The following TSPAN9 variants were observed in gnomAD, a reference collection of about 807,000 sequenced individuals.
The protein encoded by TSPAN9 is tetraspanin 9, also known as tetraspanin-9.
In TSPAN9, 16 loss-of-function variants were observed where a neutral mutation model predicts 31.0. That is an observed-to-expected ratio of 0.52 (90% CI 0.35 to 0.78). TSPAN9 has a LOEUF of 0.78. Ranked by LOEUF, TSPAN9 falls within the 30% of genes least tolerant of loss-of-function variation. The probability of loss-of-function intolerance (pLI) is 0.01; values close to 1 mark genes in which losing one functional copy is unlikely to be tolerated. For missense variants in TSPAN9, 272 were observed against 312.5 expected (o/e 0.87, Z 0.98); for synonymous variants, 145 against 121.6 (o/e 1.19, Z -1.27).
At position 3,168,901 on chromosome 12, in the gene TSPAN9, G is replaced by A. The variant is rs1022410807; in HGVS notation, c.-17-32276G>A. On this transcript the variant is annotated intron_variant, in intron 2 of 8. Transcript: ENST00000011898. The surrounding 1 kb of genome is among the most constrained non-coding windows in gnomAD (Gnocchi z 4.0). ...CAGATGGATGAGCTCAGGTTTGGAC[G>A]TGACTCAGAAGGAAGGTAGTGGGGA... is the stretch of plus-strand genomic sequence containing the variant. 2.0e-5 allele frequency among the ~76,000 whole-genome samples: 3 copies of A among 152,184 alleles called. No homozygotes were observed. Among genetic ancestry groups the A allele is most frequent in the African/African-American group, 4.8e-5 (2 of 41,440 alleles).
chr12:3,137,199 G>C (rs1420493035), intron 2 of TSPAN9, among the ~76,000 whole-genome samples: 1 of 152,184 alleles, frequency 6.6e-6, no homozygotes, highest in Non-Finnish European at 1.5e-5. Flanking sequence ...GAGGCCTTGG[G>C]CTTCCGCCCC....
chr12:3,155,597 A>T (rs891401056), intron 2 of TSPAN9, among the ~76,000 whole-genome samples: 10 of 70,024 alleles, frequency 1.4e-4, no homozygotes, highest in African/African-American at 2.7e-4. Flanking sequence ...CTGTCTCTTT[A>T]AAAAAAAAAA....
chr12:3,078,638 G>A (rs930072180), intron 1 of TSPAN9, among the ~76,000 whole-genome samples: 4 of 152,252 alleles, frequency 2.6e-5, no homozygotes, highest in Middle Eastern at 3.4e-3. Flanking sequence ...TCCTACCCTC[G>A]GCTTGGTCCT....
rs560578902 is a variant in TSPAN9 at position 3,196,447 on chromosome 12, T to C, written c.-17-4730T>C. On this transcript the variant is annotated intron_variant, in intron 2 of 8. Transcript: ENST00000011898. ...GAAGATTCTTAAGGGCAGAAACTTG[T>C]AGAGTCTAAGAGAGTGTGGTGCATG... Among the ~76,000 whole-genome samples, 28 of 152,344 alleles carry C rather than the reference T, an allele frequency of 1.8e-4. 1 individual carries two copies. Among genetic ancestry groups the C allele is most frequent in the African/African-American group, 6.5e-4 (27 of 41,572 alleles).
intron 3 of TSPAN9, among the ~76,000 whole-genome samples, chr12:3,250,282 TA>T (rs1292014000): frequency 2.0e-5 from 3 of 152,234 alleles, no homozygotes. Context: ...TGTCCTCAGA[TA>T]ATGCTTTCGA....
intron 2 of TSPAN9, among the ~76,000 whole-genome samples, chr12:3,136,452 C>G (rs1378585424): frequency 6.6e-6 from 1 of 152,208 alleles, no homozygotes; most frequent in East Asian, 1.9e-4. Flanking sequence ...GTGTCAGGTA[C>G]TGGGGGATCC....
intron 2 of TSPAN9, among the ~76,000 whole-genome samples, chr12:3,127,922 C>T (rs2098328085): frequency 6.6e-6 from 1 of 152,110 alleles, no homozygotes; most frequent in Non-Finnish European, 1.5e-5. Context: ...GCATGCCCAC[C>T]TTGTGGTAGA....
intron 3 of TSPAN9, among the ~76,000 whole-genome samples, chr12:3,253,561 G>A (rs1862293310): frequency 1.3e-5 from 2 of 152,238 alleles, no homozygotes. Flanking sequence ...AGTGCCATGG[G>A]GTTTGCAGAA....
At chr12:3,125,455 A>G (rs1462054112) in intron 2 of TSPAN9, among the ~76,000 whole-genome samples, 1 of 152,078 alleles carries the variant, frequency 6.6e-6, no homozygotes, top group Non-Finnish European at 1.5e-5. Context: ...TTCCCCCCGC[A>G]GTTTTCTCCC....
chr12:3,251,320 C>T (rs115635696), intron 3 of TSPAN9, among the ~76,000 whole-genome samples: 7 of 152,072 alleles, frequency 4.6e-5, no homozygotes, highest in East Asian at 1.9e-4. Flanking sequence ...GAAATCCCCT[C>T]GCATTGGTGG....
chr12:3,172,281 C>T lies in TSPAN9; in HGVS notation c.-17-28896C>T, dbSNP rs896669627. ...GGGGAGCGAGGGATGCAGATTGGTC[C>T]TGGTGCAGGCGGCCCTCTCTGTCTT... On this transcript the variant is annotated intron_variant, in intron 2 of 8. Coordinates refer to ENST00000011898, the MANE Select transcript of TSPAN9 (RefSeq NM_006675.5). The surrounding 1 kb of genome is among the most constrained non-coding windows in gnomAD (Gnocchi z 4.8). 5 of 152,364 alleles carry T rather than the reference C, an allele frequency of 3.3e-5. No homozygotes were observed. Among genetic ancestry groups the T allele is most frequent in the Non-Finnish European group, 5.9e-5 (4 of 68,150 alleles). 9.4% of individuals were successfully genotyped at this position (152,364 alleles called of 1,614,324 possible).
At chr12:3,122,327 A>G (rs1565583533) in intron 2 of TSPAN9, among the ~76,000 whole-genome samples, 1 of 151,666 alleles carries the variant, frequency 6.6e-6, no homozygotes, top group Admixed American at 6.5e-5. Context: ...TCTCAAAAAA[A>G]AAAAGGAGAT....
rs2098351190 is a variant in TSPAN9 at position 3,170,557 on chromosome 12, G to A, written c.-17-30620G>A. ...AAAATCTGATCTGGTGGATGTGCGT[G>A]GCGTAGATAAGAGATCACTGAGTCA... On this transcript the variant is annotated intron_variant, in intron 2 of 8. Transcript: ENST00000011898. This position sits in a 1 kb window ranked among gnomAD's most constrained non-coding sequence, Gnocchi z 4.4. 1.3e-5 allele frequency among the ~76,000 whole-genome samples: 2 copies of A among 151,724 alleles called. No individual in the cohort carries two copies. The highest frequency in any genetic ancestry group is 1.3e-4 in the Admixed American group (2 of 15,214).
At chr12:3,237,355 A>G (rs11837266) in intron 3 of TSPAN9, among the ~76,000 whole-genome samples, 35,164 of 152,116 alleles carry the variant, frequency 0.23, 4,292 homozygotes, top group South Asian at 0.37. Context: ...CCTACGTGAA[A>G]TGTGACCTGC....
chr12:3,210,472 A>G (rs868521312), intron 3 of TSPAN9, among the ~76,000 whole-genome samples: 1 of 152,188 alleles, frequency 6.6e-6, no homozygotes, highest in Non-Finnish European at 1.5e-5. Flanking sequence ...CTGTGAATGC[A>G]TGTTTGTCTT....
intron 3 of TSPAN9, among the ~76,000 whole-genome samples, chr12:3,269,660 G>A (rs1292527319): frequency 2.0e-5 from 3 of 152,254 alleles, no homozygotes; most frequent in Non-Finnish European, 4.4e-5. Flanking sequence ...ATCTGCCCAG[G>A]GTCTGCAGCA....
chr12:3,142,579 C>T (rs544968783), intron 2 of TSPAN9, among the ~76,000 whole-genome samples: 1 of 152,224 alleles, frequency 6.6e-6, no homozygotes, highest in African/African-American at 2.4e-5. Flanking sequence ...AAATCCGATC[C>T]GAGGCTCAGC....
intron 2 of TSPAN9, among the ~76,000 whole-genome samples, chr12:3,100,447 G>A (rs150252647): frequency 1.1e-3 from 161 of 152,300 alleles, no homozygotes; most frequent in African/African-American, 3.4e-3. Flanking sequence ...GAACTGCTGC[G>A]TGGAAGCTGC....
At chr12:3,123,976 G>A (rs2153966453) in intron 2 of TSPAN9, among the ~76,000 whole-genome samples, 1 of 152,340 alleles carries the variant, frequency 6.6e-6, no homozygotes, top group Non-Finnish European at 1.5e-5. Flanking sequence ...TTGCACTCCT[G>A]GAGTGCGGGA....
Sources: gnomAD v4.1 joint callset for allele counts (sites outside exome capture counted in the v4.1 genomes callset) on GRCh38, gnomAD v4.1.1 for gene constraint, Gnocchi (gnomAD v3.1) non-coding constraint, MANE v1.5 for transcripts, NCBI Gene and HGNC (gene_info 2026-07-23, HGNC 2026-07-21) for gene names.